SDK2: variants seen among roughly 807,000 people sequenced by gnomAD.
The protein encoded by SDK2 is protein sidekick-2.
Under a neutral mutation model 253.9 loss-of-function variants are expected in SDK2, and 105 were observed. That is an observed-to-expected ratio of 0.41 (90% CI 0.35 to 0.49). SDK2 has a LOEUF of 0.49. Ranked by LOEUF, SDK2 falls within the 20% of genes least tolerant of loss-of-function variation. The pLI is 0.06. For synonymous variants in SDK2, 1,249 were observed against 1,234.9 expected (o/e 1.01, Z -0.24); for missense variants, 2,608 against 3,003.0 (o/e 0.87, Z 3.07).
intron 3 of SDK2, among the ~76,000 whole-genome samples, chr17:73,469,565 C>T (rs946411275): frequency 2.0e-5 from 3 of 152,184 alleles, no homozygotes; most frequent in Non-Finnish European, 4.4e-5. Context: ...GCTTGCTCGC[C>T]CTGCAGATGG....
intron 1 of SDK2, among the ~76,000 whole-genome samples, chr17:73,601,165 A>G (rs8075258): frequency 0.34 from 52,267 of 151,626 alleles, 10,510 homozygotes; most frequent in African/African-American, 0.57. Flanking sequence ...GAATACAGGC[A>G]TGCACCACCA....
intron 36 of SDK2, among the ~76,000 whole-genome samples, chr17:73,377,902 G>A (rs552158459): frequency 4.0e-5 from 6 of 151,146 alleles, no homozygotes; most frequent in African/African-American, 7.3e-5. Context: ...GTGAGCCACC[G>A]CACCCGGCCT....
chr17:73,527,295 C>T (rs747528910), intron 1 of SDK2, among the ~76,000 whole-genome samples: 6 of 152,038 alleles, frequency 3.9e-5, no homozygotes, highest in Admixed American at 6.6e-5. Context: ...AGAAATGCAA[C>T]GTGAAGCAGG....
intron 3 of SDK2, among the ~76,000 whole-genome samples, chr17:73,461,518 A>C (rs2063562443): frequency 6.6e-6 from 1 of 152,208 alleles, no homozygotes; most frequent in South Asian, 2.1e-4. Context: ...GTATATGGGA[A>C]TGGGAGGGGA....
intron 3 of SDK2, among the ~76,000 whole-genome samples, chr17:73,463,330 G>A (rs892530276): frequency 6.6e-6 from 1 of 152,166 alleles, no homozygotes; most frequent in Non-Finnish European, 1.5e-5. Flanking sequence ...TGTAAAGTGT[G>A]CATTCCACTT....
chr17:73,505,477 T>TGTCATC (rs2043597261), intron 2 of SDK2, among the ~76,000 whole-genome samples: 1 of 142,920 alleles, frequency 7.0e-6, no homozygotes, highest in Non-Finnish European at 1.6e-5. Flanking sequence ...TCATTGTTAT[T>TGTCATC]GTCATCATCA....
chr17:73,470,908 G>T (rs896815591), intron 3 of SDK2, among the ~76,000 whole-genome samples: 2 of 152,154 alleles, frequency 1.3e-5, no homozygotes, highest in African/African-American at 2.4e-5. Flanking sequence ...CCCATAATGA[G>T]CCTCATTTCT....
rs766510308 is a variant in SDK2 at position 73,361,714 on chromosome 17, C to T, written c.5437G>A (p.Glu1813Lys). The T allele has an allele frequency of 6.2e-6, 10 of 1,612,422 alleles. No homozygotes were observed. The highest frequency in any genetic ancestry group is 3.3e-5 in the Admixed American group (2 of 59,990). ...CCGGGGCCCGTGGTGACGTTGGCTT[C>T]GATCTCCGGCCCGTAGGTGAAGGTC... is the stretch of plus-strand genomic sequence containing the variant. ...AKTFTYGPEI[E>K]ANVTTGPGEG... The change falls in exon 39 of 45, where the codon GAA (glutamate) becomes AAA (lysine). Residue 1813 changes from glutamate to lysine, a missense_variant. Physicochemically the swap from Glu to Lys is moderately conservative, Grantham distance 56. This residue lies in a region of SDK2 where 1,103 missense variants were observed against 1,143.9 expected (regional missense o/e 0.96). Coordinates refer to ENST00000392650, the MANE Select transcript of SDK2 (RefSeq NM_001144952.2). This position sits in a 1 kb window ranked among gnomAD's most constrained non-coding sequence, Gnocchi z 4.1.
intron 26 of SDK2, 50 bp from the exon 27 acceptor site, chr17:73,393,799 T>C: frequency 2.2e-6 from 3 of 1,391,128 alleles, no homozygotes; most frequent in African/African-American, 1.4e-5. Flanking sequence ...ATCTCACCCA[T>C]CTACACTTTT....
intron 36 of SDK2, 45 bp from the exon 37 acceptor site, chr17:73,368,638 G>A (rs1165300180): frequency 2.1e-6 from 3 of 1,448,958 alleles, no homozygotes; most frequent in East Asian, 2.5e-5. Flanking sequence ...CAGGGGCAAT[G>A]AGAGTCCCTC....
At chr17:73,551,587 T>G (rs947723476) in intron 1 of SDK2, among the ~76,000 whole-genome samples, 1 of 152,174 alleles carries the variant, frequency 6.6e-6, no homozygotes, top group Non-Finnish European at 1.5e-5. Context: ...TAACCCCTCC[T>G]GGACCAAGCA....
At chr17:73,364,184 G>A (rs1046781553) in intron 38 of SDK2, among the ~76,000 whole-genome samples, 7 of 152,174 alleles carry the variant, frequency 4.6e-5, no homozygotes, top group Non-Finnish European at 7.4e-5. Flanking sequence ...TCATAGGATG[G>A]TTGTTCATAA....
At position 73,447,857 on chromosome 17, in the gene SDK2, C is replaced by A; in HGVS notation, c.480-109G>T. 1 of 1,321,422 alleles carries A rather than the reference C, an allele frequency of 7.6e-7. No individual in the cohort carries two copies. Among genetic ancestry groups the A allele is most frequent in the East Asian group, 2.5e-5 (1 of 39,518 alleles). The allele number at this position is 1,321,422 out of a possible 1,614,324, so 81.9% of individuals were successfully genotyped here. A position where few individuals can be genotyped will look rare whatever the true frequency, so the allele number is the denominator to read the frequency against. On this transcript the variant is annotated intron_variant, in intron 4 of 44. Coordinates refer to ENST00000392650, the MANE Select transcript of SDK2 (RefSeq NM_001144952.2). This position sits in a 1 kb window ranked among gnomAD's most constrained non-coding sequence, Gnocchi z 4.0. ...AAGCCCGACCATATCTCCCAGTCCC[C>A]AGCCTCCCAGGGCCCCTCCTGCCAC...
At chr17:73,403,800 T>C (rs532489396) in intron 18 of SDK2, among the ~76,000 whole-genome samples, 1 of 152,336 alleles carries the variant, frequency 6.6e-6, no homozygotes, top group Admixed American at 6.5e-5. Context: ...CTAAGTGGCA[T>C]TTAATAAGTG....
intron 1 of SDK2, among the ~76,000 whole-genome samples, chr17:73,632,827 C>T (rs2046286242): frequency 6.6e-6 from 1 of 152,116 alleles, no homozygotes. Context: ...TCATTCAAGT[C>T]TTTCAAGACC....
chr17:73,399,349 C>T (rs1290930984), intron 21 of SDK2, 60 bp from the exon 22 acceptor site: 19 of 1,596,536 alleles, frequency 1.2e-5, no homozygotes, highest in East Asian at 2.2e-5. Context: ...CCATGTTGAA[C>T]GGGACTGTTG....
Position 73,437,780 on chromosome 17 carries a change from G to T in SDK2, c.959C>A (p.Ala320Glu). The T allele has an allele frequency of 6.2e-7, 1 of 1,613,946 alleles. No homozygotes were observed. The highest frequency in any genetic ancestry group is 8.5e-7 in the Non-Finnish European group (1 of 1,179,870). The stretch of plus-strand genomic sequence containing the variant: ...GATGTCCACCACCTTCTCCATCTCC[G>T]CAGTGATGTGTCTTTCTGGCTCCTT... Reference protein sequence around the residue: ...FVKEPERHITAEMEKVVDIPC... With the variant: ...FVKEPERHITEEMEKVVDIPC... The change falls in exon 8 of 45, where the codon GCG becomes GAG. Residue 320 changes from alanine to glutamate, a missense_variant. This residue lies in a region of SDK2 where 1,505 missense variants were observed against 1,859.1 expected (regional missense o/e 0.81). Coordinates refer to ENST00000392650, the MANE Select transcript of SDK2 (RefSeq NM_001144952.2).
intron 16 of SDK2, 56 bp from the exon 17 acceptor site, chr17:73,416,048 C>A: frequency 6.6e-7 from 1 of 1,509,454 alleles, no homozygotes; most frequent in Non-Finnish European, 9.0e-7. Flanking sequence ...TGGCCTCGTA[C>A]CCAGGAAATT....
intron 3 of SDK2, among the ~76,000 whole-genome samples, chr17:73,456,795 C>A (rs889733875): frequency 6.6e-6 from 1 of 152,212 alleles, no homozygotes; most frequent in Non-Finnish European, 1.5e-5. Flanking sequence ...CTTCAGCCAG[C>A]CTGCCGGCCT....
Sources: gnomAD v4.1 joint callset for allele counts (sites outside exome capture counted in the v4.1 genomes callset) on GRCh38, gnomAD v4.1.1 for gene constraint, gnomAD v4.1.1 regional missense constraint, Gnocchi (gnomAD v3.1) non-coding constraint, MANE v1.5 for transcripts, NCBI Gene and HGNC (gene_info 2026-07-23, HGNC 2026-07-21) for gene names.